Variants in ZNF831 observed in about 807,000 individuals in gnomAD.
ZNF831 encodes the protein zinc finger protein 831.
Under a neutral mutation model 95.8 loss-of-function variants are expected in ZNF831, and 59 were observed. That is an observed-to-expected ratio of 0.62 (90% CI 0.50 to 0.77). ZNF831 has a LOEUF of 0.77. Ranked by LOEUF, ZNF831 falls within the 30% of genes least tolerant of loss-of-function variation. ZNF831 has a pLI of 0.00. For synonymous variants in ZNF831, 961 were observed against 925.5 expected (o/e 1.04, Z -0.70); for missense variants, 2,205 against 2,164.0 (o/e 1.02, Z -0.38).
intron 2 of ZNF831, among the ~76,000 whole-genome samples, chr20:59,149,568 C>T (rs753966920): frequency 7.2e-5 from 11 of 152,192 alleles, no homozygotes; most frequent in Non-Finnish European, 1.0e-4. Flanking sequence ...AATAAGATCT[C>T]CCTCCTCCAA....
At chr20:59,250,594 CAAAG>C (rs1203099610) in intron 4 of ZNF831, among the ~76,000 whole-genome samples, 1 of 152,014 alleles carries the variant, frequency 6.6e-6, no homozygotes, top group Non-Finnish European at 1.5e-5. Flanking sequence ...CCAATGGAAA[CAAAG>C]GAACTTGGAA....
chr20:59,241,182 C>T (rs1600676539), intron 4 of ZNF831, among the ~76,000 whole-genome samples: 1 of 152,208 alleles, frequency 6.6e-6, no homozygotes, highest in Non-Finnish European at 1.5e-5. Flanking sequence ...TGCTACCCCA[C>T]GTCTCAGCTT....
At chr20:59,230,622 G>A (rs1411523867) in intron 4 of ZNF831, among the ~76,000 whole-genome samples, 1 of 152,170 alleles carries the variant, frequency 6.6e-6, no homozygotes, top group Non-Finnish European at 1.5e-5. Flanking sequence ...AAAGAGATTT[G>A]GCCTGTAGGC....
Position 59,254,326 on chromosome 20 carries a change from A to G in ZNF831, c.4617A>G (p.Ala1539=), listed in dbSNP as rs1459470331. Residue 1539 remains alanine (A), a synonymous_variant, in exon 6 of 6, where the codon GCA becomes GCG. Transcript: ENST00000371030. This position sits in a 1 kb window ranked among gnomAD's most constrained non-coding sequence, Gnocchi z 4.5. Reference sequence around the variant, plus strand: ...GCAAAGTCACAGAAGAGGGCAGAGCACAGACCCTCTTGCCAGGGAGACCTT... The same window carrying G: ...GCAAAGTCACAGAAGAGGGCAGAGCGCAGACCCTCTTGCCAGGGAGACCTT... The part of the protein sequence containing the change: ...PDSKVTEEGR[A]QTLLPGRPSS... The G allele has an allele frequency of 6.2e-7, 1 of 1,614,134 alleles. No individual in the cohort carries two copies. Among genetic ancestry groups the G allele is most frequent in the South Asian group, 1.1e-5 (1 of 91,078 alleles).
chr20:59,129,433 C>T (rs1225398175), intron 1 of ZNF831, among the ~76,000 whole-genome samples: 1 of 152,018 alleles, frequency 6.6e-6, no homozygotes, highest in East Asian at 1.9e-4. Context: ...TTGAGACCAG[C>T]CTGGCCAACA....
chr20:59,140,590 C>T (rs1187550188), intron 1 of ZNF831, among the ~76,000 whole-genome samples: 6 of 152,184 alleles, frequency 3.9e-5, no homozygotes, highest in Non-Finnish European at 7.3e-5. Flanking sequence ...GGACCTTTCA[C>T]CCAGTTTCCT....
In ZNF831 at chr20:59,192,204, C is replaced by A. The variant is rs749757214; in HGVS notation, c.1185C>A (p.Ala395=). Residue 395 remains alanine (A), a synonymous_variant, in exon 2 of 6, where the codon GCC becomes GCA. Coordinates refer to ENST00000371030, the MANE Select transcript of ZNF831 (RefSeq NM_178457.3). The surrounding 1 kb of genome is among the most constrained non-coding windows in gnomAD (Gnocchi z 5.2). ...VAGAEPGARE[A]GLELEKKRLE... The stretch of plus-strand genomic sequence containing the variant: ...GGGCCGAGCCCGGGGCGCGAGAAGC[C>A]GGCCTGGAGCTGGAGAAGAAGCGGC... The A allele has an allele frequency of 6.3e-6, 10 of 1,580,180 alleles. No individual in the cohort carries two copies. Among genetic ancestry groups the A allele is most frequent in the Non-Finnish European group, 8.6e-6 (10 of 1,164,512 alleles).
chr20:59,217,162 C>CTCTGTGTG lies in ZNF831; in HGVS notation c.4027+10107_4027+10108insCTGTGTGT, dbSNP rs375503499. On this transcript the variant is annotated intron_variant, in intron 4 of 5. Transcript: ENST00000371030. This position sits in a 1 kb window ranked among gnomAD's most constrained non-coding sequence, Gnocchi z 4.4. ...GAGTACATCTGACAGATCTTCATCT[C>CTCTGTGTG]TGTGTGTGTGTGTGTGTGTGTGTGT... Among the ~76,000 whole-genome samples the CTCTGTGTG allele has an allele frequency of 2.7e-5, 4 of 148,740 alleles. No individual in the cohort carries two copies. The highest frequency in any genetic ancestry group is 2.0e-4 in the East Asian group (1 of 5,006).
chr20:59,188,984 C>T (rs1290980664), intron 1 of ZNF831, among the ~76,000 whole-genome samples: 1 of 152,066 alleles, frequency 6.6e-6, no homozygotes, highest in Non-Finnish European at 1.5e-5. Flanking sequence ...AGTTCGAGAC[C>T]AGCCTGGTCA....
At position 59,194,372 on chromosome 20, in the gene ZNF831, C is replaced by T. The variant is rs1437672126; in HGVS notation, c.3353C>T (p.Pro1118Leu). The T allele has an allele frequency of 6.2e-7, 1 of 1,611,140 alleles. No individual in the cohort carries two copies. The highest frequency in any genetic ancestry group is 8.5e-7 in the Non-Finnish European group (1 of 1,178,706). ...GNAPEDPSSG[P>L]LVGPDPCSPL... Reference sequence around the variant, plus strand: ...GCCCCAGAAGATCCTTCTTCAGGGCCCCTGGTGGGCCCCGACCCGTGTTCC... The same window carrying T: ...GCCCCAGAAGATCCTTCTTCAGGGCTCCTGGTGGGCCCCGACCCGTGTTCC... Residue 1118 changes from proline to leucine, a missense_variant, in exon 2 of 6, where the codon CCC (proline) becomes CTC (leucine). Transcript: ENST00000371030.
chr20:59,222,609 T>C (rs1986159506), intron 4 of ZNF831, among the ~76,000 whole-genome samples: 1 of 152,126 alleles, frequency 6.6e-6, no homozygotes, highest in South Asian at 2.1e-4. Context: ...ACAAGCCTTG[T>C]GAATTTATTA....
At chr20:59,138,248 T>C (rs1462157076) in intron 1 of ZNF831, among the ~76,000 whole-genome samples, 1 of 152,246 alleles carries the variant, frequency 6.6e-6, no homozygotes, top group African/African-American at 2.4e-5. Context: ...TGTTTAATTC[T>C]GTCTGCAGGC....
In ZNF831 at chr20:59,193,786, C is replaced by T. The variant is rs776861312; in HGVS notation, c.2767C>T (p.Pro923Ser). 2.5e-6 allele frequency: 4 copies of T among 1,607,884 alleles called. No homozygotes were observed. The highest frequency in any genetic ancestry group is 3.4e-5 in the Admixed American group (2 of 59,562). ...PAEHPSLATP[P>S]QAPRVLSALA... ...AGAGCACCCCTCGCTGGCCACCCCA[C>T]CTCAGGCTCCTAGAGTGCTCTCTGC... Residue 923 changes from proline (P) to serine (S), a missense_variant, in exon 2 of 6, where the codon CCT (proline) becomes TCT (serine). Coordinates refer to ENST00000371030, the MANE Select transcript of ZNF831 (RefSeq NM_178457.3).
intron 1 of ZNF831, among the ~76,000 whole-genome samples, chr20:59,179,716 A>G (rs1163832085): frequency 6.6e-6 from 1 of 152,146 alleles, no homozygotes; most frequent in Non-Finnish European, 1.5e-5. Context: ...TTATAAGGAC[A>G]CCATCAGTCA....
intron 4 of ZNF831, among the ~76,000 whole-genome samples, chr20:59,230,325 A>G (rs918538604): frequency 6.6e-6 from 1 of 152,184 alleles, no homozygotes; most frequent in Non-Finnish European, 1.5e-5. Context: ...TACAAAAATT[A>G]GCTGGGCATG....
intron 4 of ZNF831, among the ~76,000 whole-genome samples, chr20:59,229,254 C>T (rs1044757561): frequency 5.3e-5 from 8 of 152,082 alleles, no homozygotes; most frequent in South Asian, 2.1e-4. Flanking sequence ...TTGTGAATAG[C>T]GTGGCAGTAA....
Position 59,194,633 on chromosome 20 carries a change from T to G in ZNF831, c.3614T>G (p.Val1205Gly), listed in dbSNP as rs1240548855. The change falls in exon 2 of 6, where the codon GTG (valine) becomes GGG (glycine). Residue 1205 changes from valine to glycine, a missense_variant. Transcript: ENST00000371030. ...PAEQKAKAAS[V>G]YLAVHFPGSS... ...GAGCAGAAGGCAAAGGCGGCATCTG[T>G]GTACTTGGCGGTGCACTTTCCTGGT... The G allele has an allele frequency of 6.2e-7, 1 of 1,613,530 alleles. No homozygotes were observed. Among genetic ancestry groups the G allele is most frequent in the Non-Finnish European group, 8.5e-7 (1 of 1,179,860 alleles).
rs1027932409 is a variant in ZNF831, at chr20:59,193,568, C to G, written c.2549C>G (p.Pro850Arg). The G allele has an allele frequency of 6.2e-7, 1 of 1,607,766 alleles. No homozygotes were observed. The highest frequency in any genetic ancestry group is 1.3e-5 in the African/African-American group (1 of 74,840). ...SAETPGGPTQ[P>R]ASLSSQKQDA... ...GAGACCCCAGGTGGGCCCACGCAGC[C>G]TGCCTCTTTGTCATCCCAGAAGCAG... Residue 850 changes from proline to arginine, a missense_variant, in exon 2 of 6, where the codon CCT (proline) becomes CGT (arginine). Coordinates refer to ENST00000371030, the MANE Select transcript of ZNF831 (RefSeq NM_178457.3).
At chr20:59,186,270 C>A (rs1422911629) in intron 1 of ZNF831, among the ~76,000 whole-genome samples, 1 of 152,118 alleles carries the variant, frequency 6.6e-6, no homozygotes, top group Non-Finnish European at 1.5e-5. Context: ...GGAATGGAAT[C>A]CTTTTCTCAG....
Sources: gnomAD v4.1 joint callset for allele counts (sites outside exome capture counted in the v4.1 genomes callset) on GRCh38, gnomAD v4.1.1 for gene constraint, Gnocchi (gnomAD v3.1) non-coding constraint, MANE v1.5 for transcripts, NCBI Gene and HGNC (gene_info 2026-07-23, HGNC 2026-07-21) for gene names.